The following PXDNL variants were observed in gnomAD, a reference collection of about 807,000 sequenced individuals.
The protein encoded by PXDNL is peroxidasin like, also known as probable oxidoreductase PXDNL.
In PXDNL, 145 loss-of-function variants were observed where a neutral mutation model predicts 150.8. The observed-to-expected ratio is 0.96, with a 90% CI of 0.84 to 1.10. The LOEUF is 1.10. Among genes scored for constraint, PXDNL ranks in the 50% least tolerant of loss-of-function variants. The pLI is 0.00. For synonymous variants in PXDNL, 757 were observed against 725.7 expected (o/e 1.04, Z -0.69); for missense variants, 2,087 against 1,873.9 (o/e 1.11, Z -2.10).
chr8:51,780,007 T>C (rs1046459331), intron 1 of PXDNL, among the ~76,000 whole-genome samples: 1 of 152,044 alleles, frequency 6.6e-6, no homozygotes, highest in Non-Finnish European at 1.5e-5. Context: ...AGGTCAGTAG[T>C]TCAAGACCAG....
intron 1 of PXDNL, among the ~76,000 whole-genome samples, chr8:51,764,217 C>A (rs534490945): frequency 6.8e-4 from 104 of 151,972 alleles, no homozygotes; most frequent in Non-Finnish European, 1.0e-3. Flanking sequence ...TTTGGTCTAG[C>A]TAAAGATTTG....
chr8:51,366,004 A>G (rs907094682), intron 19 of PXDNL, among the ~76,000 whole-genome samples: 9 of 152,190 alleles, frequency 5.9e-5, no homozygotes, highest in African/African-American at 2.2e-4. Context: ...CCAACAAAAG[A>G]AGGTTGCCCC....
In PXDNL at chr8:51,809,303, C is replaced by A; in HGVS notation, c.42G>T (p.Leu14=). 1 of 1,578,156 alleles carries A rather than the reference C, an allele frequency of 6.3e-7. No individual in the cohort carries two copies. The change falls in exon 1 of 23, where the codon CTG becomes CTT. Residue 14 remains leucine (L), a synonymous_variant. Transcript: ENST00000356297. The part of the protein sequence containing the change: ...RLFCWTTLFL[L]AGWCLPGLPC... Reference sequence around the variant, plus strand: ...GCAACCCTGGCAGGCACCACCCGGCCAGGAGAAAGAGAGTGGTCCAGCAGA... The same window carrying A: ...GCAACCCTGGCAGGCACCACCCGGCAAGGAGAAAGAGAGTGGTCCAGCAGA...
chr8:51,438,553 A>G (rs1809463037), intron 12 of PXDNL, among the ~76,000 whole-genome samples: 1 of 152,140 alleles, frequency 6.6e-6, no homozygotes, highest in Admixed American at 6.5e-5. Flanking sequence ...GTCTCCACTA[A>G]AAATACAAAA....
chr8:51,574,807 C>T (rs1813015514), intron 3 of PXDNL, among the ~76,000 whole-genome samples: 1 of 151,932 alleles, frequency 6.6e-6, no homozygotes, highest in African/African-American at 2.4e-5. Flanking sequence ...CTATATCTAG[C>T]TAAAGTACTC....
chr8:51,383,342 C>A (rs1325669851), intron 17 of PXDNL, among the ~76,000 whole-genome samples: 3 of 152,138 alleles, frequency 2.0e-5, no homozygotes, highest in Non-Finnish European at 4.4e-5. Context: ...TGTTCCATAT[C>A]TTAAAATGAT....
chr8:51,420,915 C>T (rs1808933754), intron 14 of PXDNL, among the ~76,000 whole-genome samples: 1 of 152,300 alleles, frequency 6.6e-6, no homozygotes, highest in South Asian at 2.1e-4. Flanking sequence ...GTCTCGAACT[C>T]CTGACATTGT....
chr8:51,643,248 A>C (rs201072520), intron 2 of PXDNL, among the ~76,000 whole-genome samples: 2 of 152,322 alleles, frequency 1.3e-5, no homozygotes, highest in African/African-American at 4.8e-5. Flanking sequence ...AATCCTAAGC[A>C]AAAAGAACAA....
intron 4 of PXDNL, among the ~76,000 whole-genome samples, chr8:51,528,857 G>A (rs1056771442): frequency 2.0e-5 from 3 of 152,298 alleles, no homozygotes; most frequent in Admixed American, 6.5e-5. Flanking sequence ...CACAACGCAA[G>A]TGAGTAGGAA....
At chr8:51,497,128 C>T (rs1157567866) in intron 5 of PXDNL, among the ~76,000 whole-genome samples, 2 of 152,094 alleles carry the variant, frequency 1.3e-5, no homozygotes, top group Non-Finnish European at 2.9e-5. Context: ...AGAAATAATG[C>T]CGCATATCTA....
chr8:51,577,140 T>G (rs1300046856), intron 3 of PXDNL, among the ~76,000 whole-genome samples: 1 of 151,872 alleles, frequency 6.6e-6, no homozygotes, highest in East Asian at 1.9e-4. Flanking sequence ...ACTTCTCGAT[T>G]CACTTTACAA....
intron 20 of PXDNL, among the ~76,000 whole-genome samples, chr8:51,340,365 G>A (rs115583300): frequency 1.3e-5 from 2 of 151,960 alleles, no homozygotes; most frequent in South Asian, 2.1e-4. Flanking sequence ...AACTAATTTG[G>A]GAAATAGAAA....
At chr8:51,623,377 T>G (rs1814296324) in intron 2 of PXDNL, among the ~76,000 whole-genome samples, 1 of 152,222 alleles carries the variant, frequency 6.6e-6, no homozygotes, top group African/African-American at 2.4e-5. Context: ...AAAGATCACA[T>G]GAATTCTGTA....
intron 1 of PXDNL, among the ~76,000 whole-genome samples, chr8:51,719,894 A>G (rs13268396): frequency 0.53 from 80,893 of 151,672 alleles, 26,327 homozygotes; most frequent in Non-Finnish European, 0.7. Flanking sequence ...CAGCCTCTCT[A>G]CATCTAAGAC....
chr8:51,382,248 G>C (rs1586055270), intron 17 of PXDNL, among the ~76,000 whole-genome samples: 1 of 152,246 alleles, frequency 6.6e-6, no homozygotes, highest in Non-Finnish European at 1.5e-5. Flanking sequence ...GGGAAACCAA[G>C]GGTTGCCGGG....
At chr8:51,791,794 T>C (rs956496059) in intron 1 of PXDNL, among the ~76,000 whole-genome samples, 5 of 152,198 alleles carry the variant, frequency 3.3e-5, no homozygotes. Flanking sequence ...TATAAAATCC[T>C]TCAATGCTTA....
At chr8:51,721,136 A>G (rs765050618) in intron 1 of PXDNL, among the ~76,000 whole-genome samples, 7 of 152,140 alleles carry the variant, frequency 4.6e-5, no homozygotes, top group Non-Finnish European at 7.4e-5. Flanking sequence ...CCTGCAGACA[A>G]CCTTCAAAGG....
chr8:51,690,868 G>T (rs1336658861), intron 1 of PXDNL, among the ~76,000 whole-genome samples: 1 of 152,088 alleles, frequency 6.6e-6, no homozygotes, highest in African/African-American at 2.4e-5. Flanking sequence ...CATTCTAACT[G>T]CTGTGAGATG....
chr8:51,694,299 G>T (rs1359663798), intron 1 of PXDNL, among the ~76,000 whole-genome samples: 2 of 152,128 alleles, frequency 1.3e-5, no homozygotes, highest in African/African-American at 2.4e-5. Flanking sequence ...GGAGGCGGAG[G>T]TTGCACTGAG....
Sources: gnomAD v4.1 joint callset for allele counts (sites outside exome capture counted in the v4.1 genomes callset) on GRCh38, gnomAD v4.1.1 for gene constraint, MANE v1.5 for transcripts, NCBI Gene and HGNC (gene_info 2026-07-23, HGNC 2026-07-21) for gene names.